Variants in ASXL2 observed in about 807,000 individuals in gnomAD.
ASXL2 encodes ASXL transcriptional regulator 2, also known as putative Polycomb group protein ASXL2.
Under a neutral mutation model 122.0 loss-of-function variants are expected in ASXL2, and 23 were observed. That is an observed-to-expected ratio of 0.19 (90% confidence interval 0.14 to 0.27). ASXL2 has a LOEUF of 0.27. ASXL2 is among the 10% of genes least tolerant of loss of function. ASXL2 has a pLI of 1.00. For synonymous variants in ASXL2, 650 were observed against 637.0 expected, an observed-to-expected ratio of 1.02 and a Z score of -0.31; for missense variants, 1,518 against 1,713.8, an observed-to-expected ratio of 0.89 and a Z score of 2.02.
At chr2:25,844,310 G>C (rs2089623868) in intron 2 of ASXL2, among the ~76,000 whole-genome samples, 2 of 152,074 alleles carry the variant, frequency 1.3e-5, no homozygotes, top group Non-Finnish European at 1.5e-5. Context: ...GCCAGGCATG[G>C]TGACTCATGC....
chr2:25,768,432 T>C (rs1321779707), intron 7 of ASXL2, among the ~76,000 whole-genome samples: 1 of 152,086 alleles, frequency 6.6e-6, no homozygotes, highest in Non-Finnish European at 1.5e-5. Flanking sequence ...GCTTCCCGAG[T>C]AGCTGGGGCT....
Position 25,741,818 on chromosome 2 carries a change from A to C in ASXL2, c.*211T>G. ...AAGTGCAAACTTGTCACAAATTCAC[A>C]AAGTCTTGCTTGACTTAGACTTACT... On this transcript the variant is annotated 3_prime_UTR_variant, in exon 13 of 13. Transcript: ENST00000435504. 1 of 508,154 alleles carries C rather than the reference A, an allele frequency of 2.0e-6. No homozygotes were observed. Among genetic ancestry groups the C allele is most frequent in the Non-Finnish European group, 3.5e-6 (1 of 288,406 alleles). The allele number at this position is 508,154 out of a possible 1,614,324, so 31.5% of individuals were successfully genotyped here.
chr2:25,805,472 T>C (rs2089067640), intron 4 of ASXL2, among the ~76,000 whole-genome samples: 2 of 151,998 alleles, frequency 1.3e-5, no homozygotes, highest in Admixed American at 1.3e-4. Context: ...CTTTTTCCTG[T>C]CTTTTTGTAC....
rs1019286180 is a variant in ASXL2, at chr2:25,742,598, T to C, written c.3739A>G (p.Asn1247Asp). 7 of 1,613,848 alleles carry C rather than the reference T, an allele frequency of 4.3e-6. No homozygotes were observed. The East Asian group carries it at 1.3e-4, about 31-fold the overall frequency. The change falls in exon 13 of 13, where the codon AAT becomes GAT. Residue 1247 changes from asparagine to aspartate, a missense_variant. By Grantham distance (23) the Asn-to-Asp change is conservative. Around this residue, in one of 8 missense-constraint regions of ASXL2, gnomAD observed 831 missense variants for 833.1 expected, o/e 1.00. Transcript: ENST00000435504. Reference protein sequence around the residue: ...LNEQTTLSKENYLFTRGQTFD... With the variant: ...LNEQTTLSKEDYLFTRGQTFD... ...GTTTGGCCTCTAGTGAACAGGTAAT[T>C]CTCCTTACTTAAAGTGGTTTGCTCA... is the stretch of plus-strand genomic sequence containing the variant.
chr2:25,822,926 T>TG, intron 3 of ASXL2: 1 of 530,366 alleles, frequency 1.9e-6, no homozygotes, highest in Non-Finnish European at 3.8e-6. Flanking sequence ...ACAGCGATGA[T>TG]GAAAAAATGC....
intron 1 of ASXL2, among the ~76,000 whole-genome samples, chr2:25,876,996 G>C (rs753587475): frequency 1.3e-5 from 2 of 152,104 alleles, no homozygotes; most frequent in African/African-American, 2.4e-5. Context: ...AGATACAGCC[G>C]AGCGGTGAAA....
intron 12 of ASXL2, among the ~76,000 whole-genome samples, chr2:25,746,713 G>C (rs2087948495): frequency 6.6e-6 from 1 of 151,988 alleles, no homozygotes; most frequent in African/African-American, 2.4e-5. Flanking sequence ...TAAAATGAAA[G>C]GTTTCGATAC....
At chr2:25,823,883 T>C (rs2089343604) in intron 3 of ASXL2, among the ~76,000 whole-genome samples, 1 of 152,206 alleles carries the variant, frequency 6.6e-6, no homozygotes, top group African/African-American at 2.4e-5. Context: ...TTTTTATGTA[T>C]TTACCACTTA....
chr2:25,816,741 C>A (rs1394640989), intron 3 of ASXL2, among the ~76,000 whole-genome samples: 6 of 152,162 alleles, frequency 3.9e-5, no homozygotes, highest in Non-Finnish European at 7.3e-5. Flanking sequence ...TAGCAATACT[C>A]ACTGCCAAAA....
chr2:25,873,803 A>C (rs1449048566), intron 1 of ASXL2, among the ~76,000 whole-genome samples: 1 of 151,884 alleles, frequency 6.6e-6, no homozygotes, highest in Non-Finnish European at 1.5e-5. Context: ...CCTTAAGTGT[A>C]TAATCTCTAA....
At chr2:25,872,235 A>G (rs2089967126) in intron 1 of ASXL2, among the ~76,000 whole-genome samples, 1 of 152,166 alleles carries the variant, frequency 6.6e-6, no homozygotes, top group South Asian at 2.1e-4. Flanking sequence ...TACAAAAATT[A>G]GCCAGGCGTG....
intron 5 of ASXL2, among the ~76,000 whole-genome samples, chr2:25,787,713 C>T (rs1487130042): frequency 6.6e-6 from 1 of 152,096 alleles, no homozygotes; most frequent in East Asian, 1.9e-4. Flanking sequence ...ACCTGTAAGA[C>T]AGAAAAATCC....
At chr2:25,784,215 G>A (rs1363671550) in intron 5 of ASXL2, among the ~76,000 whole-genome samples, 1 of 152,026 alleles carries the variant, frequency 6.6e-6, no homozygotes, top group South Asian at 2.1e-4. Context: ...TCACGCCACT[G>A]CCTCCAGCCT....
At chr2:25,801,719 A>G (rs2089001275) in intron 4 of ASXL2, among the ~76,000 whole-genome samples, 1 of 152,100 alleles carries the variant, frequency 6.6e-6, no homozygotes. Context: ...CAAATGCTAC[A>G]TATTCTATTT....
rs368088924 is a variant in ASXL2 at position 25,750,124 on chromosome 2, G to A, written c.1432C>T (p.Leu478Phe). 170 of 1,613,878 alleles carry A rather than the reference G, an allele frequency of 1.1e-4. No individual in the cohort carries two copies. Among genetic ancestry groups the A allele is most frequent in the Non-Finnish European group, 1.3e-4 (154 of 1,179,908 alleles). Residue 478 changes from leucine to phenylalanine, a missense_variant, in exon 12 of 13, where the codon CTT becomes TTT. Physicochemically the swap from Leu to Phe is conservative, Grantham distance 22. Transcript: ENST00000435504. ...ALNTHELSSI[L>F]PIKCPKDEDL... ...TCATCCTTTGGGCACTTGATGGGAA[G>A]AATGCTGCTAAGCTCATGTGTATTG...
rs148221077 is a variant in ASXL2, at chr2:25,863,568, C to T, written c.57+14598G>A. Among the ~76,000 whole-genome samples, 733 of 151,766 alleles carry T rather than the reference C, an allele frequency of 4.8e-3. 13 individuals are homozygous for T. The highest frequency in any genetic ancestry group is 0.017 in the African/African-American group (682 of 41,280). Reference sequence around the variant, plus strand: ...ATTAGCCAGGCGTGGTGGCAGGCACCTGTAGTCCCAGCTACTCGGGAGGCT... The same window carrying T: ...ATTAGCCAGGCGTGGTGGCAGGCACTTGTAGTCCCAGCTACTCGGGAGGCT... On this transcript the variant is annotated intron_variant, in intron 1 of 12. Coordinates refer to ENST00000435504, the MANE Select transcript of ASXL2 (RefSeq NM_018263.6).
chr2:25,849,018 C>A (rs116780187), intron 1 of ASXL2, among the ~76,000 whole-genome samples: 7,599 of 94,848 alleles, frequency 0.08, 239 homozygotes, highest in African/African-American at 0.14. Context: ...GCGCTCCAAC[C>A]TGGATGACAA....
At position 25,870,798 on chromosome 2, in the gene ASXL2, T is replaced by A. The variant is rs557395228; in HGVS notation, c.57+7368A>T. 1.1e-4 allele frequency among the ~76,000 whole-genome samples: 17 copies of A among 152,346 alleles called. 1 individual carries two copies. The South Asian group carries it at 3.5e-3, about 32-fold the overall frequency. On this transcript the variant is annotated intron_variant, in intron 1 of 12. Coordinates refer to ENST00000435504, the MANE Select transcript of ASXL2 (RefSeq NM_018263.6). ...CATGTAAAATAAAGGTATACCTGTT[T>A]GTATATACGAGGTAAAAAAAAATCC...
intron 5 of ASXL2, among the ~76,000 whole-genome samples, chr2:25,785,046 T>C (rs2088714888): frequency 6.6e-6 from 1 of 152,218 alleles, no homozygotes; most frequent in African/African-American, 2.4e-5. Flanking sequence ...GTCAAGGAAT[T>C]ATAAGTATTC....
Sources: gnomAD v4.1 joint callset for allele counts (sites outside exome capture counted in the v4.1 genomes callset) on GRCh38, gnomAD v4.1.1 for gene constraint, gnomAD v4.1.1 regional missense constraint, MANE v1.5 for transcripts, NCBI Gene and HGNC (gene_info 2026-07-23, HGNC 2026-07-21) for gene names.